AUTS2: variants seen among roughly 807,000 people sequenced by gnomAD.
AUTS2 encodes autism susceptibility gene 2 protein.
A neutral mutation model predicts 112.4 loss-of-function variants in AUTS2; 17 were observed. That is an observed-to-expected ratio of 0.15 (90% CI 0.10 to 0.23). AUTS2 has a LOEUF of 0.23. AUTS2 is among the 10% of genes least tolerant of loss of function. The pLI is 1.00. For synonymous variants in AUTS2, 751 were observed against 702.7 expected (o/e 1.07, Z -1.09); for missense variants, 1,510 against 1,701.6 (o/e 0.89, Z 1.98).
chr7:70,245,282 T>C (rs1479487658), intron 4 of AUTS2, among the ~76,000 whole-genome samples: 8 of 151,816 alleles, frequency 5.3e-5, no homozygotes. Flanking sequence ...AAATTCTAGC[T>C]CTTTTGAGCA....
intron 5 of AUTS2, among the ~76,000 whole-genome samples, chr7:70,561,296 G>C (rs1235073315): frequency 6.6e-6 from 1 of 152,106 alleles, no homozygotes; most frequent in East Asian, 1.9e-4. Context: ...GATGCTTTTA[G>C]CTGCAAGTAA....
chr7:69,641,364 C>T (rs559151515), intron 1 of AUTS2, among the ~76,000 whole-genome samples: 21 of 151,706 alleles, frequency 1.4e-4, no homozygotes, highest in Admixed American at 5.2e-4. Context: ...CATGCTTTCG[C>T]TGATCCAGAA....
intron 2 of AUTS2, among the ~76,000 whole-genome samples, chr7:70,004,423 A>G (rs909577570): frequency 5.9e-5 from 1 of 16,878 alleles, no homozygotes; most frequent in Non-Finnish European, 8.2e-5. Context: ...ATAATATATT[A>G]TATATATATA....
At chr7:70,262,793 C>T (rs903293257) in intron 4 of AUTS2, among the ~76,000 whole-genome samples, 1 of 152,076 alleles carries the variant, frequency 6.6e-6, no homozygotes, top group Non-Finnish European at 1.5e-5. Flanking sequence ...ACAGGCTTCT[C>T]TTTAATAAGT....
chr7:69,661,248 C>T (rs755007020), intron 1 of AUTS2, among the ~76,000 whole-genome samples: 2 of 152,154 alleles, frequency 1.3e-5, no homozygotes, highest in Admixed American at 6.5e-5. Flanking sequence ...GGTGATGAAC[C>T]TGCTTTACCA....
chr7:70,279,657 A>G (rs1289234175), intron 4 of AUTS2, among the ~76,000 whole-genome samples: 1 of 152,232 alleles, frequency 6.6e-6, no homozygotes, highest in East Asian at 1.9e-4. Flanking sequence ...AGTCTACACT[A>G]AAATTACGGA....
At chr7:70,383,155 G>T (rs1262967918) in intron 4 of AUTS2, among the ~76,000 whole-genome samples, 4 of 151,778 alleles carry the variant, frequency 2.6e-5, no homozygotes, top group Non-Finnish European at 5.9e-5. Context: ...TTTTGTTGTT[G>T]ATTTTTTTTT....
intron 6 of AUTS2, among the ~76,000 whole-genome samples, chr7:70,704,192 G>A (rs1394271732): frequency 6.6e-6 from 1 of 152,180 alleles, no homozygotes; most frequent in South Asian, 2.1e-4. Flanking sequence ...ATCTTTTGCC[G>A]AACTTGTGAA....
At chr7:70,084,790 A>G (rs1803507130) in intron 2 of AUTS2, among the ~76,000 whole-genome samples, 1 of 152,158 alleles carries the variant, frequency 6.6e-6, no homozygotes, top group Non-Finnish European at 1.5e-5. Context: ...ATGGTATACA[A>G]ATATTTGCTT....
At chr7:70,300,145 G>A (rs1789141688) in intron 4 of AUTS2, among the ~76,000 whole-genome samples, 1 of 152,162 alleles carries the variant, frequency 6.6e-6, no homozygotes, top group Non-Finnish European at 1.5e-5. Flanking sequence ...GGGCAGGGGT[G>A]TCCAATCTTT....
rs115845774 is a variant in AUTS2 at position 70,078,053 on chromosome 7, C to T, written c.523-40079C>T. On this transcript the variant is annotated intron_variant, in intron 2 of 18. Transcript: ENST00000342771. ...CCTGGCCTATTTATCACCATATTCT[C>T]CATGGCCTGTACTCAGGGTCAGGCA... Among the ~76,000 whole-genome samples the T allele has an allele frequency of 6.1e-3, 927 of 152,244 alleles. 7 individuals carry two copies. Among genetic ancestry groups the T allele is most frequent in the African/African-American group, 0.021 (866 of 41,524 alleles).
At chr7:70,067,580 T>C (rs1802552745) in intron 2 of AUTS2, among the ~76,000 whole-genome samples, 1 of 152,176 alleles carries the variant, frequency 6.6e-6, no homozygotes, top group Non-Finnish European at 1.5e-5. Flanking sequence ...GCTTGGTGGC[T>C]CACGCCTGTA....
chr7:70,608,660 A>G (rs989356427), intron 5 of AUTS2, among the ~76,000 whole-genome samples: 1 of 152,208 alleles, frequency 6.6e-6, no homozygotes, highest in Non-Finnish European at 1.5e-5. Context: ...CGTGTCCCAC[A>G]TTCTGTGTGG....
chr7:69,638,465 C>T (rs1370701150), intron 1 of AUTS2, among the ~76,000 whole-genome samples: 1 of 152,142 alleles, frequency 6.6e-6, no homozygotes, highest in Admixed American at 6.5e-5. Flanking sequence ...ATGTTTTTCC[C>T]TTGATATGGT....
At chr7:69,682,717 T>G (rs2533449) in intron 1 of AUTS2, among the ~76,000 whole-genome samples, 97,164 of 152,052 alleles carry the variant, frequency 0.64, 31,438 homozygotes, top group East Asian at 0.7. Flanking sequence ...GTTCTGTTAC[T>G]TAATACAGAG....
chr7:69,863,580 T>C (rs1365239115), intron 1 of AUTS2, among the ~76,000 whole-genome samples: 1 of 152,234 alleles, frequency 6.6e-6, no homozygotes, highest in Admixed American at 6.5e-5. Context: ...CCAAAAGTTT[T>C]ATGATTCTTC....
At chr7:70,595,187 C>T (rs191242272) in intron 5 of AUTS2, among the ~76,000 whole-genome samples, 2 of 152,238 alleles carry the variant, frequency 1.3e-5, no homozygotes, top group Admixed American at 1.3e-4. Context: ...GGGCTTGGTG[C>T]CATTTGCAAG....
At chr7:70,065,876 A>G (rs1802466839) in intron 2 of AUTS2, among the ~76,000 whole-genome samples, 1 of 152,100 alleles carries the variant, frequency 6.6e-6, no homozygotes, top group African/African-American at 2.4e-5. Context: ...CAGCTATTTA[A>G]TAACAGTTTT....
chr7:70,776,944 C>T, intron 13 of AUTS2, 159 bp from the exon 14 acceptor site: 1 of 697,700 alleles, frequency 1.4e-6, no homozygotes, highest in South Asian at 1.6e-5. Context: ...TGACTGGGCG[C>T]TGGAGAGCTA....
Sources: gnomAD v4.1 joint callset for allele counts (sites outside exome capture counted in the v4.1 genomes callset) on GRCh38, gnomAD v4.1.1 for gene constraint, MANE v1.5 for transcripts, NCBI Gene and HGNC (gene_info 2026-07-23, HGNC 2026-07-21) for gene names.